The following PDPR variants were observed in gnomAD, a reference collection of about 807,000 sequenced individuals.
PDPR encodes pyruvate dehydrogenase phosphatase regulatory subunit, mitochondrial.
PDPR carries 50 observed loss-of-function variants against 102.2 expected under a neutral mutation model. The ratio of observed to expected loss-of-function variants is 0.49; its 90% confidence interval spans 0.39 to 0.62. The LOEUF is 0.62. Ranked by LOEUF, PDPR falls within the 20% of genes least tolerant of loss-of-function variation. PDPR has a pLI of 0.00. For synonymous variants in PDPR, 259 were observed against 406.0 expected (o/e 0.64, Z 4.35); for missense variants, 625 against 1,098.2 (o/e 0.57, Z 6.09).
At chr16:70,150,501 A>T (rs1597375444) in intron 17 of PDPR, among the ~76,000 whole-genome samples, 1 of 150,514 alleles carries the variant, frequency 6.6e-6, no homozygotes, top group African/African-American at 2.4e-5. Flanking sequence ...GATGTTAGTC[A>T]TACTACTTGT....
chr16:70,153,239 G>C (rs1418848872), intron 17 of PDPR, among the ~76,000 whole-genome samples, 152 bp from the exon 18 acceptor site: 1 of 152,292 alleles, frequency 6.6e-6, no homozygotes, highest in Non-Finnish European at 1.5e-5. Context: ...CCTGGGCTGT[G>C]CCCTGAGCGT....
At chr16:70,141,837 C>T (rs1039784798) in intron 11 of PDPR, among the ~76,000 whole-genome samples, 24 of 152,262 alleles carry the variant, frequency 1.6e-4, no homozygotes, top group African/African-American at 5.3e-4. Flanking sequence ...GAGTGGCTCA[C>T]GCCTGTAATC....
Position 70,160,342 on chromosome 16 carries a change from G to A in PDPR, c.*3463G>A, listed in dbSNP as rs1172066511. 2 of 152,968 alleles carry A rather than the reference G, an allele frequency of 1.3e-5. No individual in the cohort carries two copies. Among genetic ancestry groups the A allele is most frequent in the East Asian group, 3.8e-4 (2 of 5,210 alleles). The allele number at this position is 152,968 out of a possible 1,614,324, so 9.5% of individuals were successfully genotyped here. ...GAGCAAAAAGGGACAAACACTAACT[G>A]CTGAGCTGGGCCATTTGATCTCCTT... On this transcript the variant is annotated 3_prime_UTR_variant, in exon 19 of 19. Transcript: ENST00000288050.
rs1287481302 is a variant in PDPR at position 70,141,928 on chromosome 16, T to C, written c.1316-306T>C. ...CAGCCTGACCAACATGGAGAAACCC[T>C]GTCTCTACTAAAAATACAAAAATTA... On this transcript the variant is annotated intron_variant, in intron 11 of 18. Coordinates refer to ENST00000288050, the MANE Select transcript of PDPR (RefSeq NM_017990.5). Among the ~76,000 whole-genome samples the C allele has an allele frequency of 2.0e-5, 3 of 152,372 alleles. No individual in the cohort carries two copies. In the East Asian group the frequency reaches 5.8e-4, roughly 29 times the overall value.
rs373874803 is a variant in PDPR at position 70,120,650 on chromosome 16, C to T, written c.158C>T (p.Thr53Met). The change falls in exon 3 of 19, where the codon ACG becomes ATG. Residue 53 changes from threonine (T) to methionine (M), a missense_variant. Coordinates refer to ENST00000288050, the MANE Select transcript of PDPR (RefSeq NM_017990.5). ...GTGGTCATCTGTGGAGGTGGAATCA[C>T]GGGCACTTCTGTGGCCTATCACCTC... The part of the protein sequence containing the change: ...AQVVICGGGI[T>M]GTSVAYHLSK... The T allele has an allele frequency of 7.4e-6, 12 of 1,613,864 alleles. 1 individual carries two copies. The highest frequency in any genetic ancestry group is 3.3e-5 in the Admixed American group (2 of 60,008).
intron 18 of PDPR, chr16:70,156,270 C>T (rs536655492): frequency 5.5e-5 from 35 of 630,882 alleles, no homozygotes; most frequent in African/African-American, 4.6e-4. Context: ...TCTGTTGTTA[C>T]AAAAATTACC....
rs1401746893 is a variant in PDPR at position 70,161,792 on chromosome 16, C to G, written c.*4913C>G. 1 of 152,398 alleles carries G rather than the reference C, an allele frequency of 6.6e-6. No homozygotes were observed. The highest frequency in any genetic ancestry group is 1.9e-4 in the East Asian group (1 of 5,206). The allele number at this position is 152,398 out of a possible 1,614,324, so 9.4% of individuals were successfully genotyped here. ...ACTTCTCTGAGCAGAGTGTCTGCAT[C>G]TCTTGGAGAGTTACACATTTCTTCA... On this transcript the variant is annotated 3_prime_UTR_variant, in exon 19 of 19. Coordinates refer to ENST00000288050, the MANE Select transcript of PDPR (RefSeq NM_017990.5).
At position 70,153,562 on chromosome 16, in the gene PDPR, A is replaced by G; in HGVS notation, c.2224A>G (p.Lys742Glu). 6.2e-7 allele frequency: 1 copy of G among 1,603,958 alleles called. No homozygotes were observed. Among genetic ancestry groups the G allele is most frequent in the Non-Finnish European group, 8.5e-7 (1 of 1,175,808 alleles). The change falls in exon 18 of 19, where the codon AAA becomes GAA. Residue 742 changes from lysine (K) to glutamate (E), a missense_variant. Transcript: ENST00000288050. ...GGAATGTGGACGAGAGTCTCGGGTG[A>G]AATTAGAGAAGGTACTGTGTTTACC... ...PLECGRESRV[K>E]LEKGMDFIGR...
chr16:70,132,211 G>C lies in PDPR; in HGVS notation c.908G>C (p.Gly303Ala). Residue 303 changes from glycine (G) to alanine (A), a missense_variant, in exon 9 of 19, where the codon GGG (glycine) becomes GCG (alanine). Physicochemically the swap from Gly to Ala is moderately conservative, Grantham distance 60. This residue lies in a region of PDPR where 16 missense variants were observed against 93.0 expected (regional missense o/e 0.17). Coordinates refer to ENST00000288050, the MANE Select transcript of PDPR (RefSeq NM_017990.5). ...AACTGGCAGGGTGGCATCCTGTCTG[G>C]GGGCTTTGAGAAGAACCCGAAACCA... ...IRNWQGGILS[G>A]GFEKNPKPIF... 6.2e-7 allele frequency: 1 copy of C among 1,613,756 alleles called. No homozygotes were observed. The highest frequency in any genetic ancestry group is 8.5e-7 in the Non-Finnish European group (1 of 1,179,646).
intron 7 of PDPR, among the ~76,000 whole-genome samples, chr16:70,130,848 A>G (rs2152079266): frequency 6.6e-6 from 1 of 152,410 alleles, no homozygotes; most frequent in South Asian, 2.1e-4. Flanking sequence ...TAACCTAGCA[A>G]ATAACATATT....
At position 70,157,357 on chromosome 16, in the gene PDPR, G is replaced by A. The variant is rs1027350005; in HGVS notation, c.*478G>A. 8 of 371,920 alleles carry A rather than the reference G, an allele frequency of 2.2e-5. No homozygotes were observed. Among genetic ancestry groups the A allele is most frequent in the African/African-American group, 1.7e-4 (8 of 47,060 alleles). 23.0% of individuals were successfully genotyped at this position (371,920 alleles called of 1,614,324 possible). A position where few individuals can be genotyped will look rare whatever the true frequency, so the allele number is the denominator to read the frequency against. ...CAGCCCTGAGGGGCAGCTCGTGCCT[G>A]CAGCCCGGCAGCTCGTTCTCCTGTT... On this transcript the variant is annotated 3_prime_UTR_variant, in exon 19 of 19. Coordinates refer to ENST00000288050, the MANE Select transcript of PDPR (RefSeq NM_017990.5).
At chr16:70,143,199 CAAAA>C (rs1356561402) in intron 13 of PDPR, among the ~76,000 whole-genome samples, 1 of 151,596 alleles carries the variant, frequency 6.6e-6, no homozygotes, top group African/African-American at 2.4e-5. Flanking sequence ...AAAAAAAAAA[CAAAA>C]AACAAAAACA....
intron 3 of PDPR, among the ~76,000 whole-genome samples, chr16:70,126,433 G>A (rs1162404690): frequency 1.3e-5 from 2 of 152,264 alleles, no homozygotes; most frequent in African/African-American, 4.8e-5. Context: ...GCACAGTCTT[G>A]ACTCACTGCA....
At chr16:70,149,891 C>T (rs369448624) in intron 17 of PDPR, among the ~76,000 whole-genome samples, 3 of 151,166 alleles carry the variant, frequency 2.0e-5, no homozygotes, top group East Asian at 2.0e-4. Context: ...CCCGGGTTCA[C>T]GCCATTCTCC....
chr16:70,134,773 G>C (rs1246689767), intron 9 of PDPR, among the ~76,000 whole-genome samples: 1 of 139,202 alleles, frequency 7.2e-6, no homozygotes, highest in Non-Finnish European at 1.5e-5. Context: ...GTGACAGAGC[G>C]AGACTCCATC....
intron 9 of PDPR, among the ~76,000 whole-genome samples, chr16:70,133,326 T>C (rs1284119071): frequency 1.3e-5 from 2 of 152,222 alleles, no homozygotes; most frequent in African/African-American, 4.8e-5. Flanking sequence ...TTCACCATGT[T>C]GATCAGGCTG....
At chr16:70,128,677 G>A (rs561331810) in intron 4 of PDPR, 107 bp from the exon 5 acceptor site, 6 of 1,578,898 alleles carry the variant, frequency 3.8e-6, no homozygotes, top group Middle Eastern at 1.7e-4. Context: ...TTGAGTGGCA[G>A]TCCCAGGATT....
intron 2 of PDPR, among the ~76,000 whole-genome samples, chr16:70,115,787 C>A (rs1409080148): frequency 6.6e-6 from 1 of 152,028 alleles, no homozygotes; most frequent in Non-Finnish European, 1.5e-5. Flanking sequence ...ATTATACGGT[C>A]ATTTTCCAGA....
upstream of PDPR, chr16:70,114,255 C>T (rs1468991126): frequency 6.6e-6 from 1 of 152,218 alleles, no homozygotes; most frequent in Non-Finnish European, 1.5e-5. Flanking sequence ...TACCCTTGCC[C>T]GGGGGCCGTA....
Sources: gnomAD v4.1 joint callset for allele counts (sites outside exome capture counted in the v4.1 genomes callset) on GRCh38, gnomAD v4.1.1 for gene constraint, gnomAD v4.1.1 regional missense constraint, MANE v1.5 for transcripts, NCBI Gene and HGNC (gene_info 2026-07-23, HGNC 2026-07-21) for gene names.